Variants in FRMD6 observed in about 807,000 individuals in gnomAD.
The protein encoded by FRMD6 is FERM domain containing 6, also known as FERM domain-containing protein 6.
FRMD6 carries 37 observed loss-of-function variants against 73.2 expected under a neutral mutation model. That is an observed-to-expected ratio of 0.51 (90% CI 0.39 to 0.66). FRMD6 has a LOEUF of 0.66. Ranked by LOEUF, FRMD6 falls within the 30% of genes least tolerant of loss-of-function variation. The probability of loss-of-function intolerance (pLI) is 0.00; values close to 1 mark genes in which losing one functional copy is unlikely to be tolerated. For missense variants in FRMD6, 714 were observed against 780.5 expected (o/e 0.91, Z 1.02); for synonymous variants, 273 against 282.2 (o/e 0.97, Z 0.33).
At chr14:51,674,460 C>T (rs73294754) in intron 1 of FRMD6, among the ~76,000 whole-genome samples, 175 of 152,226 alleles carry the variant, frequency 1.1e-3, no homozygotes, top group African/African-American at 4.1e-3. Flanking sequence ...TTGGAATAGT[C>T]TGCTCCTTGG....
rs1245601807 is a variant in FRMD6 at position 51,661,314 on chromosome 14, A to T, written c.-147+9318A>T. 1.3e-5 allele frequency among the ~76,000 whole-genome samples: 2 copies of T among 152,220 alleles called. 1 individual carries two copies. Among genetic ancestry groups the T allele is most frequent in the South Asian group, 4.1e-4 (2 of 4,836 alleles). ...GTAGAGAGAAGAAGAAATCACACAC[A>T]TAATCCAAGAAGTGTTTTAAGCCAA... On this transcript the variant is annotated intron_variant, in intron 1 of 13. Transcript: ENST00000344768.
At chr14:51,470,325 T>G in the FRMD6 span, among the ~76,000 whole-genome samples, 1 of 152,144 alleles carries the variant, frequency 6.6e-6, no homozygotes, top group South Asian at 2.1e-4. Flanking sequence ...CAAACAAGGC[T>G]GGCCGATATG....
At chr14:51,425,307 C>A in the FRMD6 span, among the ~76,000 whole-genome samples, 1 of 152,150 alleles carries the variant, frequency 6.6e-6, no homozygotes, top group Non-Finnish European at 1.5e-5. Context: ...ACAAGCTGGA[C>A]CTGTGACCCC....
intron 1 of FRMD6, among the ~76,000 whole-genome samples, chr14:51,519,953 A>G (rs956888201): frequency 6.6e-6 from 1 of 152,224 alleles, no homozygotes; most frequent in Non-Finnish European, 1.5e-5. Context: ...CCTTGTTTGT[A>G]TATGGATGTA....
intron 1 of FRMD6, among the ~76,000 whole-genome samples, chr14:51,498,220 C>T (rs2145448): frequency 0.45 from 68,817 of 152,026 alleles, 16,293 homozygotes; most frequent in East Asian, 0.59. Flanking sequence ...GACCCATAAG[C>T]GTATCAGGTA....
the FRMD6 span, among the ~76,000 whole-genome samples, chr14:51,415,425 C>T: frequency 7.2e-5 from 11 of 152,096 alleles, no homozygotes; most frequent in Admixed American, 3.3e-4. Context: ...TGGTTTTTGT[C>T]GCTGGTTCTG....
At chr14:51,525,733 C>T (rs1434686174) in intron 1 of FRMD6, among the ~76,000 whole-genome samples, 3 of 152,150 alleles carry the variant, frequency 2.0e-5, no homozygotes, top group East Asian at 3.9e-4. Context: ...CTACTTTCAA[C>T]TCATCTTCCA....
intron 2 of FRMD6, among the ~76,000 whole-genome samples, chr14:51,646,357 C>T (rs1318659880): frequency 6.9e-6 from 1 of 144,884 alleles, no homozygotes; most frequent in African/African-American, 2.5e-5. Flanking sequence ...CTGAAGAGAA[C>T]CTCAGTGGCC....
intron 2 of FRMD6, among the ~76,000 whole-genome samples, chr14:51,616,666 C>T (rs1890729097): frequency 6.6e-6 from 1 of 152,148 alleles, no homozygotes; most frequent in South Asian, 2.1e-4. Flanking sequence ...GGAACTGAGG[C>T]ATGAGAGAGG....
chr14:51,562,489 A>G (rs965506038), intron 1 of FRMD6, among the ~76,000 whole-genome samples: 1 of 152,206 alleles, frequency 6.6e-6, no homozygotes, highest in Non-Finnish European at 1.5e-5. Context: ...GTAGTTCAGA[A>G]TGAGTACGAG....
intron 2 of FRMD6, among the ~76,000 whole-genome samples, chr14:51,623,373 T>A (rs1891002332): frequency 6.6e-6 from 1 of 152,180 alleles, no homozygotes; most frequent in Non-Finnish European, 1.5e-5. Flanking sequence ...AAGTGGCCTT[T>A]AAAATGGGAT....
rs764106692 is a variant in FRMD6 at position 51,715,412 on chromosome 14, C to T, written c.937C>T (p.Leu313Phe). Residue 313 changes from leucine (L) to phenylalanine (F), a missense_variant, in exon 10 of 14, where the codon CTC (leucine) becomes TTC (phenylalanine). Leu to Phe is a conservative substitution (Grantham distance 22). Transcript: ENST00000344768. ...GGGGTGCCCCATGCGCTCCAGACAC[C>T]TCCTGCAACTTCTGAGCAACAGCCA... Reference protein sequence around the residue: ...YTGCPMRSRHLLQLLSNSHRL... With the variant: ...YTGCPMRSRHFLQLLSNSHRL... The T allele has an allele frequency of 6.2e-6, 10 of 1,613,812 alleles. 1 individual carries two copies. Among genetic ancestry groups the T allele is most frequent in the South Asian group, 4.4e-5 (4 of 91,022 alleles).
intron 2 of FRMD6, among the ~76,000 whole-genome samples, chr14:51,601,745 G>A (rs909607455): frequency 6.6e-6 from 1 of 152,158 alleles, no homozygotes; most frequent in Non-Finnish European, 1.5e-5. Context: ...AGAAGGCAAG[G>A]TCCTATGTCT....
intron 1 of FRMD6, among the ~76,000 whole-genome samples, chr14:51,530,727 T>A (rs530485065): frequency 1.2e-3 from 187 of 152,176 alleles, no homozygotes; most frequent in Non-Finnish European, 2.2e-3. Flanking sequence ...GCTCAAGTGG[T>A]TCACCTGCTT....
At chr14:51,692,279 CT>C (rs1387784573) in intron 2 of FRMD6, among the ~76,000 whole-genome samples, 1 of 152,080 alleles carries the variant, frequency 6.6e-6, no homozygotes, top group Non-Finnish European at 1.5e-5. Flanking sequence ...CAATGTGTCT[CT>C]TTTTTCAGTG....
intron 2 of FRMD6, among the ~76,000 whole-genome samples, chr14:51,696,363 CATT>C (rs1213457162): frequency 1.3e-5 from 2 of 150,736 alleles, no homozygotes; most frequent in East Asian, 1.9e-4. Flanking sequence ...TTTGAGAAAG[CATT>C]ATTATGAGAT....
chr14:51,650,593 CACCGTTTTAGCCGGGA>C (rs934183692), upstream of FRMD6: 12 of 151,090 alleles, frequency 7.9e-5, no homozygotes, highest in African/African-American at 2.7e-4. Context: ...GACGGGGTTT[CACCGTTTTAGCCGGGA>C]TGGTCTCGAT....
At chr14:51,432,746 CCT>C in the FRMD6 span, among the ~76,000 whole-genome samples, 2 of 152,132 alleles carry the variant, frequency 1.3e-5, no homozygotes, top group Admixed American at 6.5e-5. Context: ...TCACGGACCA[CCT>C]CTGGGAGGAA....
intron 1 of FRMD6, among the ~76,000 whole-genome samples, chr14:51,544,490 T>C (rs986028455): frequency 6.6e-6 from 1 of 152,058 alleles, no homozygotes; most frequent in Non-Finnish European, 1.5e-5. Context: ...TGTTATATAC[T>C]CATAGTTTGA....
Sources: gnomAD v4.1 joint callset for allele counts (sites outside exome capture counted in the v4.1 genomes callset) on GRCh38, gnomAD v4.1.1 for gene constraint, MANE v1.5 for transcripts, NCBI Gene and HGNC (gene_info 2026-07-23, HGNC 2026-07-21) for gene names.